Variants in VPS8 observed in about 807,000 individuals in gnomAD.
VPS8 encodes vacuolar protein sorting-associated protein 8 homolog.
VPS8 carries 129 observed loss-of-function variants against 216.4 expected under a neutral mutation model. The ratio of observed to expected loss-of-function variants is 0.60; its 90% confidence interval spans 0.52 to 0.69. The LOEUF (loss-of-function observed/expected upper bound fraction) is 0.69. Among genes scored for constraint, VPS8 ranks in the 30% least tolerant of loss-of-function variants. The probability of loss-of-function intolerance (pLI) is 0.00; values close to 1 mark genes in which losing one functional copy is unlikely to be tolerated. For synonymous variants in VPS8, 571 were observed against 565.4 expected, an observed-to-expected ratio of 1.01 and a Z score of -0.14; for missense variants, 1,531 against 1,683.5, an observed-to-expected ratio of 0.91 and a Z score of 1.59.
At chr3:184,815,832 A>AG (rs1716201707) in intron 1 of VPS8, 1 of 152,040 alleles carries the variant, frequency 6.6e-6, no homozygotes, top group Non-Finnish European at 1.5e-5. Flanking sequence ...AAAAAAAAAA[A>AG]AAAAGAATAA....
chr3:184,838,786 TGATTGG>T, intron 6 of VPS8, 40 bp downstream of exon 6: 1 of 1,469,422 alleles, frequency 6.8e-7, no homozygotes, highest in Non-Finnish European at 9.2e-7. Context: ...GTTTTCTATT[TGATTGG>T]GTTTTCTTAG....
At chr3:184,929,543 T>C in intron 32 of VPS8, 37 bp from the exon 33 acceptor site, 2 of 1,264,164 alleles carry the variant, frequency 1.6e-6, no homozygotes, top group East Asian at 2.6e-5. Context: ...AAAACCTCCC[T>C]GTTTGGTACA....
At chr3:185,013,078 TC>T (rs536338288) in intron 45 of VPS8, among the ~76,000 whole-genome samples, 35 of 152,318 alleles carry the variant, frequency 2.3e-4, no homozygotes, top group African/African-American at 7.7e-4. Context: ...AAGACACAGA[TC>T]ACTCATGCTA....
intron 35 of VPS8, among the ~76,000 whole-genome samples, chr3:184,939,403 TAAAA>T (rs929917521): frequency 2.6e-5 from 4 of 151,952 alleles, no homozygotes; most frequent in African/African-American, 7.2e-5. Context: ...TGTCAAAAAA[TAAAA>T]AAACAAAGAA....
At chr3:184,895,930 G>C (rs1733389757) in intron 23 of VPS8, among the ~76,000 whole-genome samples, 1 of 151,538 alleles carries the variant, frequency 6.6e-6, no homozygotes, top group Non-Finnish European at 1.5e-5. Flanking sequence ...CACTGAGCCT[G>C]GCCCACAATT....
At position 184,999,334 on chromosome 3, in the gene VPS8, C is replaced by T. The variant is rs146824079; in HGVS notation, c.3837-362C>T. ...TCGGCCTCCCAAAGTGCTGGGATTA[C>T]AGGCGTGAGCCACCACGCCCAGCCC... On this transcript the variant is annotated intron_variant, in intron 44 of 47. Coordinates refer to ENST00000625842, the MANE Select transcript of VPS8 (RefSeq NM_001009921.3). 8.8e-3 allele frequency among the ~76,000 whole-genome samples: 1,340 copies of T among 152,342 alleles called. 19 individuals carry two copies. Among genetic ancestry groups the T allele is most frequent in the African/African-American group, 0.025 (1,041 of 41,570 alleles).
At chr3:184,822,954 C>A (rs1370126133) in intron 1 of VPS8, among the ~76,000 whole-genome samples, 1 of 152,022 alleles carries the variant, frequency 6.6e-6, no homozygotes, top group Admixed American at 6.6e-5. Context: ...TTTTCTGTAA[C>A]GTGAAAGAAA....
At chr3:184,979,137 G>T (rs1043745567) in intron 40 of VPS8, among the ~76,000 whole-genome samples, 3 of 151,700 alleles carry the variant, frequency 2.0e-5, no homozygotes, top group African/African-American at 7.3e-5. Context: ...ACTGATTTCT[G>T]TTTTTTTAAT....
At chr3:185,019,347 GAC>G (rs111857967) in intron 45 of VPS8, among the ~76,000 whole-genome samples, 78 of 149,700 alleles carry the variant, frequency 5.2e-4, no homozygotes, top group African/African-American at 1.4e-3. Flanking sequence ...AGGAATTAAA[GAC>G]ACACACACAC....
At chr3:184,895,429 T>C (rs981548123) in intron 23 of VPS8, among the ~76,000 whole-genome samples, 1 of 152,004 alleles carries the variant, frequency 6.6e-6, no homozygotes, top group Non-Finnish European at 1.5e-5. Context: ...TAGAACTTTT[T>C]AGCATGAATA....
intron 46 of VPS8, among the ~76,000 whole-genome samples, chr3:185,041,172 T>C (rs1711537097): frequency 6.7e-6 from 1 of 150,168 alleles, no homozygotes; most frequent in Admixed American, 6.7e-5. Context: ...GCCATTGCAC[T>C]CCAGCCTGGG....
chr3:184,975,203 G>A (rs1414309613), intron 40 of VPS8, among the ~76,000 whole-genome samples: 1 of 151,924 alleles, frequency 6.6e-6, no homozygotes, highest in Non-Finnish European at 1.5e-5. Context: ...CTTTTTATTT[G>A]TGTATATTCA....
intron 15 of VPS8, among the ~76,000 whole-genome samples, chr3:184,860,372 T>TAC (rs1726070775): frequency 4.6e-5 from 7 of 151,326 alleles, no homozygotes; most frequent in Admixed American, 6.6e-5. Context: ...TATGTGTGTG[T>TAC]GTATATATAT....
At position 184,956,214 on chromosome 3, in the gene VPS8, A is replaced by T. The variant is rs543917578; in HGVS notation, c.3036-1160A>T. Among the ~76,000 whole-genome samples, 5 of 152,320 alleles carry T rather than the reference A, an allele frequency of 3.3e-5. No individual in the cohort carries two copies. The South Asian group carries it at 1.0e-3, about 32-fold the overall frequency. On this transcript the variant is annotated intron_variant, in intron 36 of 47. Coordinates refer to ENST00000625842, the MANE Select transcript of VPS8 (RefSeq NM_001009921.3). ...GCACTACTTACCATCACTTATGAATAATCACAAAATCCAAATTGTTCTTTC... is the reference window on the plus strand; with the variant it reads ...GCACTACTTACCATCACTTATGAATTATCACAAAATCCAAATTGTTCTTTC...
chr3:184,827,624 A>G (rs1719068984), intron 3 of VPS8, among the ~76,000 whole-genome samples: 1 of 152,242 alleles, frequency 6.6e-6, no homozygotes, highest in South Asian at 2.1e-4. Context: ...TTATTATATC[A>G]GCAAAGAAAA....
At chr3:184,866,843 T>G (rs1306110804) in intron 16 of VPS8, 33 bp from the exon 17 acceptor site, 22 of 1,588,190 alleles carry the variant, frequency 1.4e-5, no homozygotes, top group Non-Finnish European at 1.9e-5. Context: ...AAGGAATTTT[T>G]TTACCTTTTT....
chr3:184,826,436 A>G (rs1577737710), intron 3 of VPS8, among the ~76,000 whole-genome samples: 1 of 152,236 alleles, frequency 6.6e-6, no homozygotes, highest in Non-Finnish European at 1.5e-5. Flanking sequence ...AGTGCTCAAT[A>G]GCCACGTGTG....
intron 46 of VPS8, among the ~76,000 whole-genome samples, chr3:185,029,750 G>A (rs1354695828): frequency 6.6e-6 from 1 of 152,086 alleles, no homozygotes; most frequent in Non-Finnish European, 1.5e-5. Flanking sequence ...TTTTAGGAGA[G>A]AAGGGGTTTC....
chr3:184,993,349 T>G (rs1487991497), intron 42 of VPS8, among the ~76,000 whole-genome samples: 4 of 152,022 alleles, frequency 2.6e-5, no homozygotes, highest in African/African-American at 7.3e-5. Context: ...TTTGTTTTGT[T>G]TTTTGTTTTT....
Sources: gnomAD v4.1 joint callset for allele counts (sites outside exome capture counted in the v4.1 genomes callset) on GRCh38, gnomAD v4.1.1 for gene constraint, MANE v1.5 for transcripts, NCBI Gene and HGNC (gene_info 2026-07-23, HGNC 2026-07-21) for gene names.